The following RTN4 variants were observed in gnomAD, a reference collection of about 807,000 sequenced individuals.
The protein encoded by RTN4 is reticulon-4.
A neutral mutation model predicts 90.4 loss-of-function variants in RTN4; 32 were observed. That is an observed-to-expected ratio of 0.35 (90% CI 0.27 to 0.48). The LOEUF (loss-of-function observed/expected upper bound fraction) is 0.48. RTN4 is among the 20% of genes least tolerant of loss of function. RTN4 has a pLI of 0.99. For synonymous variants in RTN4, 629 were observed against 552.5 expected, an observed-to-expected ratio of 1.14 and a Z score of -1.94; for missense variants, 1,706 against 1,430.2, an observed-to-expected ratio of 1.19 and a Z score of -3.11.
intron 3 of RTN4, among the ~76,000 whole-genome samples, chr2:54,989,145 A>G (rs973644862): frequency 1.3e-5 from 2 of 152,202 alleles, no homozygotes; most frequent in African/African-American, 4.8e-5. Flanking sequence ...TGAACTGCAC[A>G]ATGTTGGATA....
chr2:55,049,930 G>A lies in RTN4; in HGVS notation c.371C>T (p.Ser124Phe). 7.4e-7 allele frequency: 1 copy of A among 1,343,362 alleles called. No individual in the cohort carries two copies. The highest frequency in any genetic ancestry group is 9.5e-7 in the Non-Finnish European group (1 of 1,053,408). 83.2% of individuals were successfully genotyped at this position (1,343,362 alleles called of 1,614,324 possible). Residue 124 changes from serine to phenylalanine, a missense_variant, in exon 1 of 9, where the codon TCT (serine) becomes TTT (phenylalanine). Transcript: ENST00000337526. ...SSTVPAPSPL[S>F]AAAVSPSKLP... is the part of the protein sequence containing the mutation. ...CTTGGAGGGCGAGACTGCGGCAGCAGACAGCGGGGATGGCGCGGGCACGGT... is the reference window on the plus strand; with the variant it reads ...CTTGGAGGGCGAGACTGCGGCAGCAAACAGCGGGGATGGCGCGGGCACGGT...
chr2:55,010,120 T>A lies in RTN4; in HGVS notation c.3013+14966A>T, dbSNP rs200006316. 12 of 1,613,500 alleles carry A rather than the reference T, an allele frequency of 7.4e-6. No homozygotes were observed. The Admixed American group carries it at 8.3e-5, about 11-fold the overall frequency. ...TTCCAATTTTTCTTCTGACCGTCCA[T>A]CTCTTGTCACGATCTGCTTTGCAGC... On this transcript the variant is annotated intron_variant, in intron 3 of 8. Transcript: ENST00000337526.
chr2:54,986,414 T>C (rs1678567410), intron 4 of RTN4, among the ~76,000 whole-genome samples: 1 of 152,214 alleles, frequency 6.6e-6, no homozygotes, highest in African/African-American at 2.4e-5. Context: ...ATTCTGCTAT[T>C]ACAGTACGAA....
At chr2:55,008,313 T>C (rs1260537029) in intron 3 of RTN4, among the ~76,000 whole-genome samples, 1 of 152,040 alleles carries the variant, frequency 6.6e-6, no homozygotes, top group Non-Finnish European at 1.5e-5. Context: ...TTAGGCTCCT[T>C]CTCTGCTGTC....
At chr2:55,054,742 T>G, upstream of RTN4, among the ~76,000 whole-genome samples, 1 of 152,184 alleles carries the variant, frequency 6.6e-6, no homozygotes, top group East Asian at 1.9e-4. Flanking sequence ...TTGCCTGTGT[T>G]CAGGAGCGCC....
intron 1 of RTN4, among the ~76,000 whole-genome samples, chr2:55,094,131 G>T (rs941584660): frequency 1.3e-5 from 2 of 152,116 alleles, no homozygotes; most frequent in African/African-American, 2.4e-5. Context: ...TGGAGCCTTT[G>T]GGGGGTAATT....
At chr2:54,978,091 C>A (rs895039070) in intron 5 of RTN4, among the ~76,000 whole-genome samples, 3 of 152,168 alleles carry the variant, frequency 2.0e-5, no homozygotes, top group Non-Finnish European at 4.4e-5. Context: ...GCAAGAGCGG[C>A]TCTAAAATTT....
At chr2:55,023,948 G>A (rs561057522) in intron 3 of RTN4, among the ~76,000 whole-genome samples, 2 of 151,922 alleles carry the variant, frequency 1.3e-5, no homozygotes, top group African/African-American at 4.8e-5. Flanking sequence ...GGTATCTGGG[G>A]CTTTAATTTC....
Position 55,050,429 on chromosome 2 carries a change from G to A in RTN4, c.-129C>T, listed in dbSNP as rs1362493094. 2.1e-6 allele frequency: 1 copy of A among 473,588 alleles called. No individual in the cohort carries two copies. Among genetic ancestry groups the A allele is most frequent in the Non-Finnish European group, 3.5e-6 (1 of 281,732 alleles). The allele number at this position is 473,588 out of a possible 1,614,324, so 29.3% of individuals were successfully genotyped here. A position where few individuals can be genotyped will look rare whatever the true frequency, so the allele number is the denominator to read the frequency against. On this transcript the variant is annotated 5_prime_UTR_variant, in exon 1 of 9. Coordinates refer to ENST00000337526, the MANE Select transcript of RTN4 (RefSeq NM_020532.5). This position sits in a 1 kb window ranked among gnomAD's most constrained non-coding sequence, Gnocchi z 4.6. ...GGCCGACTGAGCCGAGGGACCTACT[G>A]TGGTGACGGCTCCCGGAACAATGAG... is the stretch of plus-strand genomic sequence containing the variant.
chr2:55,090,760 C>T (rs1668921718), intron 1 of RTN4, among the ~76,000 whole-genome samples: 1 of 152,128 alleles, frequency 6.6e-6, no homozygotes, highest in South Asian at 2.1e-4. Flanking sequence ...TAAGTAACTC[C>T]CATTTAAAAT....
chr2:54,995,999 T>C (rs940620789), intron 3 of RTN4, among the ~76,000 whole-genome samples: 7 of 152,172 alleles, frequency 4.6e-5, no homozygotes, highest in African/African-American at 1.7e-4. Context: ...CTACTAGAAA[T>C]AATGAATGAG....
At chr2:55,123,250 G>C in the RTN4 span, among the ~76,000 whole-genome samples, 1 of 152,202 alleles carries the variant, frequency 6.6e-6, no homozygotes, top group Non-Finnish European at 1.5e-5. Context: ...ACCTCAGCAA[G>C]TTGCAAAAAA....
intron 1 of RTN4, among the ~76,000 whole-genome samples, chr2:55,032,375 G>A (rs1682379357): frequency 1.3e-5 from 2 of 151,982 alleles, no homozygotes; most frequent in African/African-American, 2.4e-5. Context: ...TAACACACCT[G>A]GCCTGGATTA....
At chr2:55,046,708 CAAT>C (rs765294219) in intron 1 of RTN4, 7 of 152,132 alleles carry the variant, frequency 4.6e-5, no homozygotes, top group Non-Finnish European at 1.0e-4. Flanking sequence ...GGTAGGTAAT[CAAT>C]AATGGGTTGA....
intron 2 of RTN4, among the ~76,000 whole-genome samples, chr2:55,064,444 G>A (rs1187693038): frequency 9.4e-5 from 14 of 148,172 alleles, no homozygotes; most frequent in African/African-American, 2.0e-4. Flanking sequence ...TCCGCCTCCC[G>A]GGTTCAAGCA....
intron 1 of RTN4, among the ~76,000 whole-genome samples, chr2:55,030,222 T>C (rs1217394611): frequency 6.6e-6 from 1 of 152,160 alleles, no homozygotes; most frequent in Non-Finnish European, 1.5e-5. Flanking sequence ...TGTACTCTTA[T>C]TCCTACCTAG....
intron 1 of RTN4, chr2:55,049,221 C>T (rs1421945762): frequency 6.2e-6 from 6 of 965,392 alleles, no homozygotes; most frequent in Non-Finnish European, 7.4e-6. Context: ...CGCAAAGGGG[C>T]CACCCACGCC....
chr2:55,124,889 G>A, the RTN4 span, among the ~76,000 whole-genome samples: 3 of 152,148 alleles, frequency 2.0e-5, no homozygotes, highest in African/African-American at 7.2e-5. Context: ...GAACAGAATG[G>A]AGAGCCCAGA....
chr2:55,016,037 T>C (rs557023503), intron 3 of RTN4, among the ~76,000 whole-genome samples: 107 of 152,264 alleles, frequency 7.0e-4, no homozygotes, highest in Middle Eastern at 3.4e-3. Flanking sequence ...ATGTAAGACA[T>C]ATTTAAATAT....
Sources: gnomAD v4.1 joint callset for allele counts (sites outside exome capture counted in the v4.1 genomes callset) on GRCh38, gnomAD v4.1.1 for gene constraint, Gnocchi (gnomAD v3.1) non-coding constraint, MANE v1.5 for transcripts, NCBI Gene and HGNC (gene_info 2026-07-23, HGNC 2026-07-21) for gene names.